The following PTPRG variants were observed in gnomAD, a reference collection of about 807,000 sequenced individuals.
The protein encoded by PTPRG is protein tyrosine phosphatase receptor type G, also known as receptor-type tyrosine-protein phosphatase gamma.
In PTPRG, 102 loss-of-function variants were observed where a neutral mutation model predicts 165.3. The ratio of observed to expected loss-of-function variants is 0.62; its 90% CI spans 0.53 to 0.73. The LOEUF is 0.73. PTPRG is among the 30% of genes least tolerant of loss of function. The pLI is 0.00. For synonymous variants in PTPRG, 675 were observed against 669.5 expected, an observed-to-expected ratio of 1.01 and a Z score of -0.13; for missense variants, 1,866 against 1,861.4, an observed-to-expected ratio of 1.00 and a Z score of -0.05.
intron 1 of PTPRG, among the ~76,000 whole-genome samples, chr3:61,564,437 C>CA (rs1699855670): frequency 6.6e-6 from 1 of 152,164 alleles, no homozygotes; most frequent in Non-Finnish European, 1.5e-5. Flanking sequence ...ATGGGACTGC[C>CA]AGGGAACCAG....
intron 2 of PTPRG, among the ~76,000 whole-genome samples, chr3:61,954,356 T>C (rs562320478): frequency 6.6e-6 from 1 of 152,302 alleles, no homozygotes; most frequent in African/African-American, 2.4e-5. Flanking sequence ...AATTTGTATA[T>C]GTTTGTTTAA....
chr3:62,220,342 C>T (rs2106890321), intron 13 of PTPRG, among the ~76,000 whole-genome samples: 1 of 152,318 alleles, frequency 6.6e-6, no homozygotes. Context: ...GTGTTGAATA[C>T]AGACTGAAGA....
intron 1 of PTPRG, among the ~76,000 whole-genome samples, chr3:61,703,839 T>C (rs946122200): frequency 3.3e-5 from 5 of 152,216 alleles, no homozygotes; most frequent in African/African-American, 1.2e-4. Flanking sequence ...TTTGGAGAAG[T>C]CTTTTATTAT....
intron 4 of PTPRG, among the ~76,000 whole-genome samples, chr3:62,058,675 C>A (rs1190531623): frequency 6.6e-6 from 1 of 152,056 alleles, no homozygotes; most frequent in Non-Finnish European, 1.5e-5. Flanking sequence ...TGTGTAGGTG[C>A]TGTTGTTAGC....
At chr3:62,184,662 C>T (rs1223042256) in intron 8 of PTPRG, among the ~76,000 whole-genome samples, 1 of 152,206 alleles carries the variant, frequency 6.6e-6, no homozygotes, top group Admixed American at 6.5e-5. Context: ...AAACAGGCAT[C>T]TCCCCCACGG....
At chr3:61,658,305 T>C (rs1188650801) in intron 1 of PTPRG, among the ~76,000 whole-genome samples, 6 of 152,148 alleles carry the variant, frequency 3.9e-5, no homozygotes, top group African/African-American at 9.7e-5. Flanking sequence ...ATGTCCCTGA[T>C]GAGACGGTGT....
chr3:61,897,556 T>C (rs975658538), intron 2 of PTPRG, among the ~76,000 whole-genome samples: 3 of 152,204 alleles, frequency 2.0e-5, no homozygotes, highest in African/African-American at 7.2e-5. Flanking sequence ...AAGATTTTTG[T>C]AGCCATTCTA....
At chr3:62,028,922 A>G (rs1219653923) in intron 4 of PTPRG, among the ~76,000 whole-genome samples, 1 of 152,184 alleles carries the variant, frequency 6.6e-6, no homozygotes, top group Non-Finnish European at 1.5e-5. Context: ...ATACTCACTG[A>G]GAGTCCTTTG....
intron 1 of PTPRG, among the ~76,000 whole-genome samples, chr3:61,566,103 A>G (rs917452718): frequency 2.6e-5 from 4 of 152,230 alleles, no homozygotes; most frequent in African/African-American, 9.6e-5. Flanking sequence ...TAATAAAGAT[A>G]GGCATAAACA....
chr3:62,112,295 G>A (rs994160213), intron 5 of PTPRG, among the ~76,000 whole-genome samples: 1 of 151,972 alleles, frequency 6.6e-6, no homozygotes, highest in Non-Finnish European at 1.5e-5. Context: ...ACTAGAGGCG[G>A]GTTTCACTAT....
chr3:61,689,238 T>C, intron 1 of PTPRG, among the ~76,000 whole-genome samples: 1 of 152,232 alleles, frequency 6.6e-6, no homozygotes, highest in East Asian at 1.9e-4. Context: ...ATTACCTGTT[T>C]TGGAGAGTGA....
chr3:61,631,269 A>C (rs1701768578), intron 1 of PTPRG, among the ~76,000 whole-genome samples: 1 of 152,090 alleles, frequency 6.6e-6, no homozygotes, highest in African/African-American at 2.4e-5. Flanking sequence ...TGATCTGTTA[A>C]ATTTAGTACA....
chr3:61,831,355 T>A (rs1262123379), intron 2 of PTPRG, among the ~76,000 whole-genome samples: 2 of 152,270 alleles, frequency 1.3e-5, no homozygotes, highest in African/African-American at 4.8e-5. Context: ...GTTGAGTGAA[T>A]AATTTTGTCA....
chr3:62,092,034 A>T (rs1459574381), intron 5 of PTPRG, among the ~76,000 whole-genome samples: 1 of 149,372 alleles, frequency 6.7e-6, no homozygotes, highest in African/African-American at 2.5e-5. Flanking sequence ...CGTGGTCCCT[A>T]TCATTAGGGA....
intron 2 of PTPRG, among the ~76,000 whole-genome samples, chr3:61,907,482 C>G (rs561203235): frequency 1.3e-5 from 2 of 152,302 alleles, no homozygotes; most frequent in African/African-American, 4.8e-5. Flanking sequence ...GATGAAATCT[C>G]TTTGACATCC....
intron 1 of PTPRG, among the ~76,000 whole-genome samples, chr3:61,740,173 T>C (rs560656851): frequency 1.9e-4 from 29 of 152,328 alleles, no homozygotes; most frequent in South Asian, 1.9e-3. Context: ...CCTTTGATAT[T>C]ACACCAACAC....
At chr3:62,037,996 G>A (rs1029030406) in intron 4 of PTPRG, among the ~76,000 whole-genome samples, 1 of 152,158 alleles carries the variant, frequency 6.6e-6, no homozygotes, top group Admixed American at 6.6e-5. Context: ...CAAACATTTA[G>A]TCCTTAACAC....
intron 27 of PTPRG, among the ~76,000 whole-genome samples, chr3:62,282,300 T>G (rs532499138): frequency 1.3e-5 from 2 of 152,154 alleles, no homozygotes; most frequent in East Asian, 1.9e-4. Flanking sequence ...CAAAGCTCAG[T>G]GTAACCCCAA....
chr3:61,725,726 T>G (rs79946660), intron 1 of PTPRG, among the ~76,000 whole-genome samples: 1 of 137,232 alleles, frequency 7.3e-6, no homozygotes, highest in Non-Finnish European at 1.6e-5. Flanking sequence ...TTTTTTTTTT[T>G]GGCTTGGAAT....
Sources: gnomAD v4.1 joint callset for allele counts (sites outside exome capture counted in the v4.1 genomes callset) on GRCh38, gnomAD v4.1.1 for gene constraint, MANE v1.5 for transcripts, NCBI Gene and HGNC (gene_info 2026-07-23, HGNC 2026-07-21) for gene names.